RBM22: variants seen among roughly 807,000 people sequenced by gnomAD.
RBM22 encodes the protein pre-mRNA-splicing factor RBM22.
In RBM22, 1 loss-of-function variant was observed where a neutral mutation model predicts 50.1. That is an observed-to-expected ratio of 0.02 (90% CI 0.01 to 0.09). The LOEUF (loss-of-function observed/expected upper bound fraction) is 0.09. RBM22 is among the 10% of genes least tolerant of loss of function. The pLI, the probability that RBM22 is intolerant of heterozygous loss-of-function variation, is 1.00. For missense variants in RBM22, 264 were observed against 529.3 expected (o/e 0.50, Z 4.92); for synonymous variants, 152 against 179.0 (o/e 0.85, Z 1.20).
chr5:150,695,111 T>C (rs1262026335), intron 7 of RBM22, among the ~76,000 whole-genome samples: 1 of 152,152 alleles, frequency 6.6e-6, no homozygotes, highest in Non-Finnish European at 1.5e-5. Flanking sequence ...ACTGCAGCCT[T>C]GATCTCCCAA....
Position 150,691,606 on chromosome 5 carries a change from T to C in RBM22, c.*145A>G. ...TCCTTTGAACAAGTATAGGAAAGCA[T>C]GGCTGTCAGTCTCTGACTGCTCACA... is the stretch of plus-strand genomic sequence containing the variant. On this transcript the variant is annotated 3_prime_UTR_variant, in exon 11 of 11. Coordinates refer to ENST00000199814, the MANE Select transcript of RBM22 (RefSeq NM_018047.3). 3.1e-6 allele frequency: 3 copies of C among 966,472 alleles called. No homozygotes were observed. The highest frequency in any genetic ancestry group is 2.8e-6 in the Non-Finnish European group (2 of 705,262). The allele number at this position is 966,472 out of a possible 1,614,324, so 59.9% of individuals were successfully genotyped here. A position where few individuals can be genotyped will look rare whatever the true frequency, so the allele number is the denominator to read the frequency against.
In RBM22 at chr5:150,700,954, T is replaced by C. The variant is rs1380779777; in HGVS notation, c.32A>G (p.Asn11Ser). 1.2e-6 allele frequency: 2 copies of C among 1,614,194 alleles called. No homozygotes were observed. The highest frequency in any genetic ancestry group is 2.2e-5 in the East Asian group (1 of 44,878). The change falls in exon 1 of 11, where the codon AAC becomes AGC. Residue 11 changes from asparagine (N) to serine (S), a missense_variant. Physicochemically the swap from Asn to Ser is conservative, Grantham distance 46 (BLOSUM62 1). Transcript: ENST00000199814. MATSLGSNTY[N>S]RQNWEDADFP... ...CACCGCATCCTCCCAGTTCTGCCTG[T>C]TGTAGGTGTTGGAACCCAGAGAGGT...
In RBM22 at chr5:150,701,030, A is replaced by C; in HGVS notation, c.-45T>G. ...AGCTGTAGCTTCCGAATTGGGAGAG[A>C]GGACCGCCACAATCCCGTCAAGCCC... On this transcript the variant is annotated 5_prime_UTR_variant, in exon 1 of 11. Coordinates refer to ENST00000199814, the MANE Select transcript of RBM22 (RefSeq NM_018047.3). 6.2e-7 allele frequency: 1 copy of C among 1,607,058 alleles called. No individual in the cohort carries two copies. The highest frequency in any genetic ancestry group is 2.2e-5 in the East Asian group (1 of 44,864).
intron 10 of RBM22, 81 bp downstream of exon 10, chr5:150,692,814 T>G: frequency 7.2e-7 from 1 of 1,381,060 alleles, no homozygotes; most frequent in East Asian, 2.4e-5. Context: ...AGGATTTGGA[T>G]GTGTTGAACA....
chr5:150,698,230 T>C (rs929645975), intron 4 of RBM22, among the ~76,000 whole-genome samples: 2 of 152,192 alleles, frequency 1.3e-5, no homozygotes, highest in African/African-American at 4.8e-5. Flanking sequence ...TTATCTATCA[T>C]AGGATCAACG....
At position 150,696,416 on chromosome 5, in the gene RBM22, C is replaced by T; in HGVS notation, c.545+117G>A. The T allele has an allele frequency of 1.8e-6, 2 of 1,130,598 alleles. No individual in the cohort carries two copies. Among genetic ancestry groups the T allele is most frequent in the Non-Finnish European group, 2.5e-6 (2 of 792,914 alleles). The allele number at this position is 1,130,598 out of a possible 1,614,324, so 70.0% of individuals were successfully genotyped here. ...TCATAGTTCTAAGACATGAGGTATA[C>T]CACATTAGTTGTATGACCTTTAGAT... On this transcript the variant is annotated intron_variant, in intron 6 of 10. Transcript: ENST00000199814. The surrounding 1 kb of genome is among the most constrained non-coding windows in gnomAD (Gnocchi z 4.3).
chr5:150,691,653 T>C lies in RBM22; in HGVS notation c.*98A>G. ...CACATCTGAGCACATTCAGCTACCA[T>C]GGAAACTACAAGGGAAGGAAAAATA... On this transcript the variant is annotated 3_prime_UTR_variant, in exon 11 of 11. Transcript: ENST00000199814. 4 of 1,328,518 alleles carry C rather than the reference T, an allele frequency of 3.0e-6. No homozygotes were observed. The highest frequency in any genetic ancestry group is 4.0e-6 in the Non-Finnish European group (4 of 1,006,846). The allele number at this position is 1,328,518 out of a possible 1,614,324, so 82.3% of individuals were successfully genotyped here.
chr5:150,700,549 C>T, intron 1 of RBM22, 52 bp from the exon 2 acceptor site: 1 of 1,613,004 alleles, frequency 6.2e-7, no homozygotes, highest in Non-Finnish European at 8.5e-7. Context: ...GACCCTGACA[C>T]CTCAGTGACA....
chr5:150,700,373 A>G, intron 2 of RBM22, 71 bp downstream of exon 2: 1 of 1,439,566 alleles, frequency 6.9e-7, no homozygotes, highest in African/African-American at 1.4e-5. Flanking sequence ...TCTAAGAGAA[A>G]CACTTCACAG....
chr5:150,699,061 G>T lies in RBM22; in HGVS notation c.138+181C>A, dbSNP rs571300020. On this transcript the variant is annotated intron_variant, in intron 3 of 10. Coordinates refer to ENST00000199814, the MANE Select transcript of RBM22 (RefSeq NM_018047.3). ...CACCGTAAGAATCTCTACATTAGAG[G>T]GTTCATTTTCTTACCTCCCACATAA... 6.6e-5 allele frequency among the ~76,000 whole-genome samples: 10 copies of T among 152,116 alleles called. No individual in the cohort carries two copies. The East Asian group carries it at 1.7e-3, about 26-fold the overall frequency.
At chr5:150,694,413 T>C (rs867758439) in intron 7 of RBM22, 173 bp from the exon 8 acceptor site, 1 of 1,022,276 alleles carries the variant, frequency 9.8e-7, no homozygotes. Context: ...TGGGTGCTGC[T>C]GATTGAGAGA....
intron 8 of RBM22, 30 bp from the exon 9 acceptor site, chr5:150,693,337 C>T (rs1330431252): frequency 6.4e-7 from 1 of 1,551,894 alleles, no homozygotes; most frequent in Admixed American, 1.7e-5. Context: ...ACAGTCGGCA[C>T]TCTGGCCCAC....
chr5:150,691,842 G>A lies in RBM22; in HGVS notation c.1172C>T (p.Pro391Leu). The change falls in exon 11 of 11, where the codon CCT becomes CTT. Residue 391 changes from proline to leucine, a missense_variant. Physicochemically the swap from Pro to Leu is moderately conservative, Grantham distance 98 (BLOSUM62 -3). This residue lies in a region of RBM22 where 106 missense variants were observed against 137.1 expected (regional missense o/e 0.77). Transcript: ENST00000199814. ...TGGTCCTGGAGCCCGCATGAAAGGA[G>A]GGGGTGGTCCCATTGGGTGGAACAT... ...PHMFHPMGPP[P>L]PFMRAPGPIH... 3 of 1,600,406 alleles carry A rather than the reference G, an allele frequency of 1.9e-6. No individual in the cohort carries two copies. The highest frequency in any genetic ancestry group is 1.7e-6 in the Non-Finnish European group (2 of 1,173,406).
intron 4 of RBM22, 97 bp downstream of exon 4, chr5:150,698,402 C>A: frequency 6.9e-7 from 1 of 1,442,760 alleles, no homozygotes. Flanking sequence ...AAAGTGAAAT[C>A]AGAACCAGAG....
Position 150,698,585 on chromosome 5 carries a change from C to A in RBM22, c.185G>T (p.Arg62Leu). 2 of 1,614,020 alleles carry A rather than the reference C, an allele frequency of 1.2e-6. No homozygotes were observed. Among genetic ancestry groups the A allele is most frequent in the South Asian group, 1.1e-5 (1 of 91,084 alleles). Reference protein sequence around the residue: ...FTVFRWCPGVRMRFKKTEVCQ... With the variant: ...FTVFRWCPGVLMRFKKTEVCQ... ...CACTTCAGTCTTCTTGAAACGCATG[C>A]GGACTCCAGGGCACCAGCGAAACAC... is the stretch of plus-strand genomic sequence containing the variant. The change falls in exon 4 of 11, where the codon CGC becomes CTC. Residue 62 changes from arginine (R) to leucine (L), a missense_variant. Coordinates refer to ENST00000199814, the MANE Select transcript of RBM22 (RefSeq NM_018047.3).
intron 8 of RBM22, among the ~76,000 whole-genome samples, 184 bp from the exon 9 acceptor site, chr5:150,693,491 G>C (rs564315067): frequency 3.3e-5 from 5 of 152,128 alleles, no homozygotes; most frequent in South Asian, 2.1e-4. Context: ...AAAAGACCTG[G>C]GTTCAAAAGC....
intron 1 of RBM22, 26 bp downstream of exon 1, chr5:150,700,906 C>T (rs372016478): frequency 1.0e-4 from 168 of 1,614,104 alleles, no homozygotes; most frequent in Non-Finnish European, 1.3e-4. Context: ...CTCCTCCTTC[C>T]ATCCTCCTCC....
At chr5:150,697,381 T>C (rs1759289345) in intron 4 of RBM22, among the ~76,000 whole-genome samples, 1 of 152,184 alleles carries the variant, frequency 6.6e-6, no homozygotes, top group Admixed American at 6.5e-5. Flanking sequence ...ACCATGCCAC[T>C]GCACTCCAGC....
chr5:150,696,040 A>C lies in RBM22; in HGVS notation c.546-334T>G, dbSNP rs1437464917. On this transcript the variant is annotated intron_variant, in intron 6 of 10. Transcript: ENST00000199814. This position sits in a 1 kb window ranked among gnomAD's most constrained non-coding sequence, Gnocchi z 4.3. ...CCCCTCTCTAGGTCAATGATTCTTA[A>C]CACATTTGGGGTGCTGTATTCCACT... Among the ~76,000 whole-genome samples the C allele has an allele frequency of 6.6e-6, 1 of 150,506 alleles. No individual in the cohort carries two copies. Among genetic ancestry groups the C allele is most frequent in the Non-Finnish European group, 1.5e-5 (1 of 67,786 alleles).
Sources: gnomAD v4.1 joint callset for allele counts (sites outside exome capture counted in the v4.1 genomes callset) on GRCh38, gnomAD v4.1.1 for gene constraint, gnomAD v4.1.1 regional missense constraint, Gnocchi (gnomAD v3.1) non-coding constraint, MANE v1.5 for transcripts, NCBI Gene and HGNC (gene_info 2026-07-23, HGNC 2026-07-21) for gene names.